TBC1D1: variants seen among roughly 807,000 people sequenced by gnomAD.
TBC1D1 encodes the protein TBC1 domain family member 1.
In TBC1D1, 89 loss-of-function variants were observed where a neutral mutation model predicts 125.6. That is an observed-to-expected ratio of 0.71 (90% CI 0.60 to 0.85). TBC1D1 has a LOEUF of 0.85. Ranked by LOEUF, TBC1D1 falls within the 40% of genes least tolerant of loss-of-function variation. The pLI, the probability that TBC1D1 is intolerant of heterozygous loss-of-function variation, is 0.00. For missense variants in TBC1D1, 1,377 were observed against 1,469.2 expected (o/e 0.94, Z 1.03); for synonymous variants, 565 against 564.1 (o/e 1.00, Z -0.02).
intron 2 of TBC1D1, among the ~76,000 whole-genome samples, chr4:37,948,652 T>A (rs1560517288): frequency 6.6e-6 from 1 of 152,056 alleles, no homozygotes; most frequent in East Asian, 1.9e-4. Context: ...ATTACCCATT[T>A]GAAGTATACA....
intron 15 of TBC1D1, chr4:38,110,153 T>TA (rs1578762001): frequency 2.1e-6 from 2 of 968,992 alleles, no homozygotes; most frequent in African/African-American, 3.5e-5. Flanking sequence ...AGAGCCGAGA[T>TA]ATCAGGAGTC....
intron 17 of TBC1D1, among the ~76,000 whole-genome samples, chr4:38,119,365 A>G (rs1763488593): frequency 6.6e-6 from 1 of 152,134 alleles, no homozygotes. Flanking sequence ...AGAACCTTTA[A>G]AGAGTTTCCC....
At chr4:37,970,299 A>T (rs1731781879) in intron 2 of TBC1D1, among the ~76,000 whole-genome samples, 1 of 152,240 alleles carries the variant, frequency 6.6e-6, no homozygotes, top group African/African-American at 2.4e-5. Context: ...TCCTTGGCAA[A>T]TATGGGTTTC....
intron 2 of TBC1D1, among the ~76,000 whole-genome samples, chr4:37,964,860 G>A (rs897563018): frequency 1.3e-5 from 2 of 152,258 alleles, no homozygotes; most frequent in Non-Finnish European, 2.9e-5. Context: ...CCAGCCTCAT[G>A]AAAAAGGCCA....
chr4:37,924,806 G>T (rs537472877), intron 2 of TBC1D1, among the ~76,000 whole-genome samples: 20 of 152,206 alleles, frequency 1.3e-4, no homozygotes, highest in Non-Finnish European at 1.9e-4. Context: ...TTACCCTTTG[G>T]CTACTGTGAA....
chr4:38,126,346 G>A (rs565246275), intron 18 of TBC1D1, among the ~76,000 whole-genome samples: 3 of 152,144 alleles, frequency 2.0e-5, no homozygotes, highest in Admixed American at 6.5e-5. Flanking sequence ...AAAAACAAAT[G>A]GTGAAATAAA....
intron 2 of TBC1D1, among the ~76,000 whole-genome samples, chr4:37,926,455 T>C (rs1722132651): frequency 6.6e-6 from 1 of 152,224 alleles, no homozygotes; most frequent in South Asian, 2.1e-4. Context: ...GAGTTCATTC[T>C]TCACCTGCAT....
In TBC1D1 at chr4:38,137,378, G is replaced by T. The variant is rs1246249820; in HGVS notation, c.*43G>T. 6.6e-7 allele frequency: 1 copy of T among 1,509,822 alleles called. No homozygotes were observed. Among genetic ancestry groups the T allele is most frequent in the Non-Finnish European group, 8.9e-7 (1 of 1,128,518 alleles). The allele number at this position is 1,509,822 out of a possible 1,614,324, so 93.5% of individuals were successfully genotyped here. On this transcript the variant is annotated 3_prime_UTR_variant, in exon 20 of 20. Coordinates refer to ENST00000261439, the MANE Select transcript of TBC1D1 (RefSeq NM_015173.4). ...TTGCAACACCATCCCACACTGTCCAGGCCTTAACTGAGAGGGACAGAAGAC... is the reference window on the plus strand; with the variant it reads ...TTGCAACACCATCCCACACTGTCCATGCCTTAACTGAGAGGGACAGAAGAC...
In TBC1D1 at chr4:38,115,098, CTTTTT is replaced by C. The variant is rs56997021; in HGVS notation, c.2558-598_2558-594del. 1.3e-3 allele frequency among the ~76,000 whole-genome samples: 174 copies of C among 134,680 alleles called. 1 individual carries two copies. The highest frequency in any genetic ancestry group is 4.7e-3 in the African/African-American group (166 of 35,428). 88.4% of individuals were successfully genotyped at this position (134,680 alleles called of 152,430 possible). On this transcript the variant is annotated intron_variant, in intron 15 of 19. Transcript: ENST00000261439. ...TAGAGGATTAACAGTTTTCTTTTTT[CTTTTT>C]TTTTTTTTTTTTTGGAGTTGGAGTT...
intron 15 of TBC1D1, among the ~76,000 whole-genome samples, chr4:38,115,446 G>A (rs1011451617): frequency 2.6e-5 from 4 of 152,172 alleles, no homozygotes; most frequent in East Asian, 1.9e-4. Context: ...TTGCAGGACC[G>A]AAGGTAGTTC....
chr4:37,993,809 G>A (rs577230728), intron 2 of TBC1D1, among the ~76,000 whole-genome samples: 1 of 152,008 alleles, frequency 6.6e-6, no homozygotes, highest in South Asian at 2.1e-4. Context: ...CTCGAACTCC[G>A]GACCTCAAGT....
chr4:38,127,825 T>TTTGA (rs1271385677), intron 18 of TBC1D1, among the ~76,000 whole-genome samples: 1 of 152,064 alleles, frequency 6.6e-6, no homozygotes, highest in Non-Finnish European at 1.5e-5. Context: ...AGCTGAGGTG[T>TTTGA]TTGAGTCCAG....
intron 14 of TBC1D1, among the ~76,000 whole-genome samples, chr4:38,098,467 T>C (rs1321806220): frequency 6.6e-6 from 1 of 152,212 alleles, no homozygotes; most frequent in Non-Finnish European, 1.5e-5. Flanking sequence ...TGGGGGCTAA[T>C]AGAAATACTC....
At chr4:38,062,458 T>C (rs1384508471) in intron 12 of TBC1D1, among the ~76,000 whole-genome samples, 1 of 152,190 alleles carries the variant, frequency 6.6e-6, no homozygotes, top group African/African-American at 2.4e-5. Context: ...GAGACGTGGA[T>C]TTTTAAGATT....
intron 2 of TBC1D1, among the ~76,000 whole-genome samples, chr4:38,002,410 A>G (rs1739258480): frequency 6.6e-6 from 1 of 152,208 alleles, no homozygotes. Flanking sequence ...TTTTTACAGC[A>G]TCTGTTTCTT....
intron 14 of TBC1D1, among the ~76,000 whole-genome samples, chr4:38,098,814 G>A (rs932151384): frequency 2.0e-5 from 3 of 152,156 alleles, no homozygotes; most frequent in Non-Finnish European, 1.5e-5. Flanking sequence ...GGACAGTTGT[G>A]TGGATTAAGA....
intron 2 of TBC1D1, among the ~76,000 whole-genome samples, chr4:37,912,764 A>G (rs183159324): frequency 1.3e-5 from 2 of 152,278 alleles, no homozygotes; most frequent in East Asian, 3.9e-4. Context: ...CCATCTTGGG[A>G]GGAGAGACTC....
intron 15 of TBC1D1, among the ~76,000 whole-genome samples, chr4:38,105,127 C>T (rs540362804): frequency 8.5e-5 from 13 of 152,242 alleles, no homozygotes; most frequent in Admixed American, 3.3e-4. Flanking sequence ...CCTCTCCCAC[C>T]TCAAGACTGG....
At chr4:38,085,885 G>A (rs982522765) in intron 12 of TBC1D1, among the ~76,000 whole-genome samples, 4 of 152,108 alleles carry the variant, frequency 2.6e-5, no homozygotes, top group African/African-American at 9.7e-5. Context: ...CTTTGATTTT[G>A]TTCTCCTTGA....
Sources: allele counts gnomAD v4.1 joint callset (sites outside exome capture counted in the v4.1 genomes callset), GRCh38; gene constraint gnomAD v4.1.1; transcripts MANE v1.5; gene names NCBI Gene and HGNC (gene_info 2026-07-23, HGNC 2026-07-21).